The following EPB41L5 variants were observed in gnomAD, a reference collection of about 807,000 sequenced individuals.
EPB41L5 encodes erythrocyte membrane protein band 4.1 like 5.
A neutral mutation model predicts 106.6 loss-of-function variants in EPB41L5; 55 were observed. The ratio of observed to expected loss-of-function variants is 0.52; its 90% CI spans 0.42 to 0.65. The LOEUF (loss-of-function observed/expected upper bound fraction) is 0.65. Ranked by LOEUF, EPB41L5 falls within the 30% of genes least tolerant of loss-of-function variation. The pLI is 0.00. For missense variants in EPB41L5, 871 were observed against 882.1 expected (o/e 0.99, Z 0.16); for synonymous variants, 297 against 306.7 (o/e 0.97, Z 0.33).
chr2:120,104,085 C>G (rs947017400), intron 16 of EPB41L5: 2 of 1,534,934 alleles, frequency 1.3e-6, no homozygotes, highest in African/African-American at 2.7e-5. Flanking sequence ...CGACTGCTGT[C>G]AACGTGGTGG....
At chr2:120,170,325 A>C (rs1232021539) in intron 24 of EPB41L5, among the ~76,000 whole-genome samples, 2 of 152,266 alleles carry the variant, frequency 1.3e-5, no homozygotes, top group Non-Finnish European at 2.9e-5. Flanking sequence ...AGGAATCTGG[A>C]TGTAGCTGAG....
At position 120,042,068 on chromosome 2, in the gene EPB41L5, C is replaced by T. The variant is rs372402299; in HGVS notation, c.243C>T (p.Ser81=). ...QIMYHLDLIE[S]DYFGLRFMDS... ...TGTACCACCTGGACCTGATTGAAAG[C>T]GACTATTTTGGTCTGAGATTTATGG... Residue 81 remains serine (S), a synonymous_variant, in exon 3 of 25, where the codon AGC becomes AGT. Coordinates refer to ENST00000263713, the MANE Select transcript of EPB41L5 (RefSeq NM_020909.4). 8.1e-6 allele frequency: 13 copies of T among 1,613,368 alleles called. No individual in the cohort carries two copies. Among genetic ancestry groups the T allele is most frequent in the South Asian group, 4.4e-5 (4 of 91,044 alleles).
chr2:120,154,180 C>G (rs1410655715), intron 20 of EPB41L5, among the ~76,000 whole-genome samples: 1 of 151,028 alleles, frequency 6.6e-6, no homozygotes, highest in Non-Finnish European at 1.5e-5. Flanking sequence ...TTTTTTGAGA[C>G]CAAGTTTCAC....
intron 10 of EPB41L5, 72 bp downstream of exon 10, chr2:120,078,653 A>G: frequency 4.0e-6 from 4 of 1,005,232 alleles, no homozygotes; most frequent in Non-Finnish European, 4.5e-6. Flanking sequence ...GTTAATACAT[A>G]AACAAGTTTG....
chr2:120,017,139 C>CA (rs1677580399), intron 1 of EPB41L5, among the ~76,000 whole-genome samples: 1 of 152,202 alleles, frequency 6.6e-6, no homozygotes, highest in African/African-American at 2.4e-5. Context: ...TGAAAAACAG[C>CA]ATTCTCCTGA....
At chr2:120,153,129 G>A (rs1686749733) in intron 20 of EPB41L5, among the ~76,000 whole-genome samples, 1 of 151,914 alleles carries the variant, frequency 6.6e-6, no homozygotes, top group Non-Finnish European at 1.5e-5. Context: ...TTAAATGTAG[G>A]GATTTACAGC....
chr2:120,070,160 TC>T (rs1267647068), intron 3 of EPB41L5, among the ~76,000 whole-genome samples: 7 of 152,088 alleles, frequency 4.6e-5, no homozygotes, highest in African/African-American at 1.7e-4. Context: ...TCACCACTGA[TC>T]CCACAGAAAT....
intron 16 of EPB41L5, among the ~76,000 whole-genome samples, chr2:120,111,318 A>T (rs1178305835): frequency 6.6e-6 from 1 of 152,232 alleles, no homozygotes; most frequent in Non-Finnish European, 1.5e-5. Flanking sequence ...TTGGACAAAT[A>T]TATCTCCTGA....
intron 11 of EPB41L5, among the ~76,000 whole-genome samples, chr2:120,088,160 T>A (rs1683190391): frequency 6.6e-6 from 1 of 151,766 alleles, no homozygotes; most frequent in Non-Finnish European, 1.5e-5. Flanking sequence ...CGATGAAAAT[T>A]TTTTTTTTGA....
chr2:120,117,440 A>G (rs912082520), intron 16 of EPB41L5, among the ~76,000 whole-genome samples: 7 of 152,116 alleles, frequency 4.6e-5, no homozygotes, highest in African/African-American at 1.7e-4. Context: ...CAGTGTGATT[A>G]TGGTATTTAT....
At chr2:120,103,314 G>A (rs1454450807) in intron 16 of EPB41L5, among the ~76,000 whole-genome samples, 1 of 152,162 alleles carries the variant, frequency 6.6e-6, no homozygotes, top group Non-Finnish European at 1.5e-5. Flanking sequence ...ATGTATGCAT[G>A]TTTCACTCTT....
At chr2:120,032,513 G>A (rs1228570944) in intron 2 of EPB41L5, among the ~76,000 whole-genome samples, 2 of 114,290 alleles carry the variant, frequency 1.7e-5, no homozygotes, top group Non-Finnish European at 3.6e-5. Flanking sequence ...AATGATTAAA[G>A]GATTTTAAAG....
At chr2:120,118,505 C>A (rs1186515807) in intron 16 of EPB41L5, among the ~76,000 whole-genome samples, 2 of 152,062 alleles carry the variant, frequency 1.3e-5, no homozygotes, top group African/African-American at 4.8e-5. Flanking sequence ...CTGATGCTTT[C>A]CCTCCCCCAC....
chr2:120,059,231 A>G (rs1402180906), intron 3 of EPB41L5, among the ~76,000 whole-genome samples: 1 of 152,210 alleles, frequency 6.6e-6, no homozygotes, highest in Non-Finnish European at 1.5e-5. Context: ...CCTGTGGAAG[A>G]AGGAAAAACA....
In EPB41L5 at chr2:120,077,369, A is replaced by C. The variant is rs147675380; in HGVS notation, c.714+53A>C. ...AAAAATTTATTCTTTGGAGGTTCGC[A>C]GTGACTGTGGAATTTTTCAGTATGA... On this transcript the variant is annotated intron_variant, in intron 9 of 24. Coordinates refer to ENST00000263713, the MANE Select transcript of EPB41L5 (RefSeq NM_020909.4). The C allele has an allele frequency of 2.7e-4, 415 of 1,513,772 alleles. 4 individuals are homozygous for C. In the East Asian group the frequency reaches 7.5e-3, roughly 27 times the overall value. 93.8% of individuals were successfully genotyped at this position (1,513,772 alleles called of 1,614,324 possible). A position where few individuals can be genotyped will look rare whatever the true frequency, so the allele number is the denominator to read the frequency against.
At chr2:120,130,598 G>A (rs1685648896) in intron 17 of EPB41L5, among the ~76,000 whole-genome samples, 1 of 152,230 alleles carries the variant, frequency 6.6e-6, no homozygotes, top group Non-Finnish European at 1.5e-5. Flanking sequence ...GGACAGGAAA[G>A]ATTTTGAGAA....
Position 120,179,059 on chromosome 2 carries a change from G to A in EPB41L5, c.*4152G>A, listed in dbSNP as rs1268955130. 2 of 152,172 alleles carry A rather than the reference G, an allele frequency of 1.3e-5. No homozygotes were observed. Among genetic ancestry groups the A allele is most frequent in the East Asian group, 3.8e-4 (2 of 5,200 alleles). The allele number at this position is 152,172 out of a possible 1,614,324, so 9.4% of individuals were successfully genotyped here. Reference sequence around the variant, plus strand: ...TTAGAAACACTGCACTGAGTTGTTTGTACACTGAAATGAGAACTCTAGATG... The same window carrying A: ...TTAGAAACACTGCACTGAGTTGTTTATACACTGAAATGAGAACTCTAGATG... On this transcript the variant is annotated 3_prime_UTR_variant, in exon 25 of 25. Transcript: ENST00000263713.
intron 3 of EPB41L5, among the ~76,000 whole-genome samples, chr2:120,065,293 A>T (rs545974816): frequency 4.5e-4 from 66 of 147,740 alleles, no homozygotes; most frequent in South Asian, 1.7e-3. Context: ...TTAAAAAAAA[A>T]TTTTTTTTTT....
At chr2:120,040,126 A>G (rs924593940) in intron 2 of EPB41L5, among the ~76,000 whole-genome samples, 1 of 151,792 alleles carries the variant, frequency 6.6e-6, no homozygotes, top group Admixed American at 6.6e-5. Context: ...TAAAAAAAAG[A>G]TGGCAGCACT....
Sources: gnomAD v4.1 joint callset for allele counts (sites outside exome capture counted in the v4.1 genomes callset) on GRCh38, gnomAD v4.1.1 for gene constraint, MANE v1.5 for transcripts, NCBI Gene and HGNC (gene_info 2026-07-23, HGNC 2026-07-21) for gene names.